DCLK1: variants seen among roughly 807,000 people sequenced by gnomAD.
The protein encoded by DCLK1 is serine/threonine-protein kinase DCLK1.
In DCLK1, 16 loss-of-function variants were observed where a neutral mutation model predicts 86.2. The observed-to-expected ratio is 0.19, with a 90% CI of 0.13 to 0.28. The LOEUF is 0.28. Ranked by LOEUF, DCLK1 falls within the 10% of genes least tolerant of loss-of-function variation. DCLK1 has a pLI of 1.00. For synonymous variants in DCLK1, 369 were observed against 370.5 expected, an observed-to-expected ratio of 1.00 and a Z score of 0.05; for missense variants, 590 against 940.2, an observed-to-expected ratio of 0.63 and a Z score of 4.87.
chr13:35,802,073 T>C (rs535014564), intron 15 of DCLK1, among the ~76,000 whole-genome samples: 2 of 152,270 alleles, frequency 1.3e-5, no homozygotes, highest in South Asian at 4.1e-4. Context: ...CTCACTACCC[T>C]GGAACTGTCT....
chr13:35,805,619 G>T, intron 15 of DCLK1, 80 bp downstream of exon 15: 1 of 1,383,516 alleles, frequency 7.2e-7, no homozygotes, highest in Non-Finnish European at 1.0e-6. Flanking sequence ...TCAAAAGGAG[G>T]CAATAACATT....
chr13:36,126,050 G>A lies in DCLK1; in HGVS notation c.88C>T (p.Leu30=). The change falls in exon 2 of 17, where the codon CTG becomes TTG. Residue 30 remains leucine, a synonymous_variant. Coordinates refer to ENST00000360631, the MANE Select transcript of DCLK1 (RefSeq NM_001330071.2). ...TGGGCGCTGTGCGTCGGGCTCGGCA[G>A]GCCGTTCACCCGCGACCCTCGGCTG... ...RYSRGSRVNG[L]PSPTHSAHCS... The A allele has an allele frequency of 6.2e-7, 1 of 1,613,498 alleles. No homozygotes were observed. Among genetic ancestry groups the A allele is most frequent in the Non-Finnish European group, 8.5e-7 (1 of 1,180,000 alleles).
chr13:35,815,568 T>C (rs575927932), intron 11 of DCLK1, among the ~76,000 whole-genome samples: 54 of 152,298 alleles, frequency 3.5e-4, no homozygotes, highest in African/African-American at 1.2e-3. Context: ...AAAAGTGGCA[T>C]GAAATTGACA....
intron 7 of DCLK1, 150 bp downstream of exon 7, chr13:35,838,942 C>A: frequency 1.6e-6 from 1 of 638,474 alleles, no homozygotes; most frequent in Non-Finnish European, 2.6e-6. Flanking sequence ...CCCTGGTGGG[C>A]ACCATATTCA....
Position 35,774,527 on chromosome 13 carries a change from G to A in DCLK1, c.*8C>T, listed in dbSNP as rs776582217. On this transcript the variant is annotated 3_prime_UTR_variant, in exon 17 of 17. Transcript: ENST00000360631. ...GGTTAAGCTAGGACTTTGAGTAAAA[G>A]GGTCTTATTAAAAGGGCGAGTTAGG... 1.3e-6 allele frequency: 2 copies of A among 1,551,744 alleles called. No homozygotes were observed. Among genetic ancestry groups the A allele is most frequent in the East Asian group, 2.4e-5 (1 of 40,902 alleles).
chr13:35,830,230 A>C (rs539324088), intron 8 of DCLK1, among the ~76,000 whole-genome samples: 1 of 152,152 alleles, frequency 6.6e-6, no homozygotes, highest in East Asian at 1.9e-4. Flanking sequence ...TACTAAAAAA[A>C]AAATACAAAA....
intron 5 of DCLK1, among the ~76,000 whole-genome samples, chr13:35,870,128 C>T (rs1872162628): frequency 6.6e-6 from 1 of 152,210 alleles, no homozygotes; most frequent in Non-Finnish European, 1.5e-5. Flanking sequence ...GCCAGCGATG[C>T]TCTGAAACGT....
chr13:35,942,177 T>G (rs918348736), intron 4 of DCLK1, among the ~76,000 whole-genome samples: 2 of 151,406 alleles, frequency 1.3e-5, no homozygotes, highest in Admixed American at 6.6e-5. Flanking sequence ...ATTTTTTTTT[T>G]GTTTTTTGAG....
At chr13:35,821,141 CATT>C (rs2087385233) in intron 11 of DCLK1, among the ~76,000 whole-genome samples, 1 of 152,146 alleles carries the variant, frequency 6.6e-6, no homozygotes, top group Non-Finnish European at 1.5e-5. Context: ...GTGGGCAGGT[CATT>C]TAACTTCTAG....
chr13:36,072,142 C>T lies in DCLK1; in HGVS notation c.723+39727G>A, dbSNP rs535699480. On this transcript the variant is annotated intron_variant, in intron 3 of 16. Coordinates refer to ENST00000360631, the MANE Select transcript of DCLK1 (RefSeq NM_001330071.2). The stretch of plus-strand genomic sequence containing the variant: ...TTGTTTTCCTAAACTAGCTCCCTCA[C>T]CTATTTCCACCAAGCTGCCTCTGTC... Among the ~76,000 whole-genome samples, 37 of 152,254 alleles carry T rather than the reference C, an allele frequency of 2.4e-4. 1 individual carries two copies. Among genetic ancestry groups the T allele is most frequent in the Admixed American group, 1.9e-3 (29 of 15,296 alleles).
At chr13:36,109,901 T>C (rs1471691755) in intron 3 of DCLK1, among the ~76,000 whole-genome samples, 1 of 152,216 alleles carries the variant, frequency 6.6e-6, no homozygotes, top group African/African-American at 2.4e-5. Flanking sequence ...ACATCATACC[T>C]ATTGTAGGGA....
chr13:35,868,281 A>G (rs926354742), intron 5 of DCLK1, among the ~76,000 whole-genome samples: 3 of 152,262 alleles, frequency 2.0e-5, no homozygotes, highest in African/African-American at 7.2e-5. Flanking sequence ...TCAGCCTCCC[A>G]AAGTGCTGGG....
chr13:35,904,162 A>G (rs1874546491), intron 4 of DCLK1, among the ~76,000 whole-genome samples: 1 of 152,184 alleles, frequency 6.6e-6, no homozygotes, highest in South Asian at 2.1e-4. Flanking sequence ...TCAAAGTATC[A>G]TACAACATTT....
intron 3 of DCLK1, among the ~76,000 whole-genome samples, chr13:35,999,068 G>C (rs544658069): frequency 6.6e-6 from 1 of 151,924 alleles, no homozygotes; most frequent in African/African-American, 2.4e-5. Flanking sequence ...CAGCCTGGCC[G>C]ACACGGTGAA....
Position 35,793,495 on chromosome 13 carries a change from TAAAGA to T in DCLK1, c.1945-21_1945-17del. On this transcript the variant is annotated splice_polypyrimidine_tract_variant and intron_variant, in intron 15 of 16. Transcript: ENST00000360631. The stretch of plus-strand genomic sequence containing the variant: ...GGCCATCATCCTGGAGAAAAAGAAA[TAAAGA>T]GAAGAGAAAAAGAAAGAAAATGAGA... The T allele has an allele frequency of 6.4e-7, 1 of 1,570,682 alleles. No individual in the cohort carries two copies. The highest frequency in any genetic ancestry group is 8.6e-7 in the Non-Finnish European group (1 of 1,156,526).
chr13:36,012,311 T>A (rs1231990805), intron 3 of DCLK1, among the ~76,000 whole-genome samples: 1 of 151,552 alleles, frequency 6.6e-6, no homozygotes, highest in Admixed American at 6.6e-5. Context: ...TGATGCAGTT[T>A]CTTCCTAGTC....
chr13:35,929,867 T>C (rs1389428912), intron 4 of DCLK1, among the ~76,000 whole-genome samples: 3 of 151,252 alleles, frequency 2.0e-5, no homozygotes, highest in Non-Finnish European at 2.9e-5. Context: ...TTTTTTCTTT[T>C]TTTTTTTTTT....
chr13:35,886,235 T>C (rs1186461865), intron 4 of DCLK1, among the ~76,000 whole-genome samples: 1 of 152,028 alleles, frequency 6.6e-6, no homozygotes, highest in Non-Finnish European at 1.5e-5. Context: ...ATGGTCTTGA[T>C]CTCCTGACCT....
chr13:35,846,986 G>A (rs1870224148), intron 6 of DCLK1: 1 of 984,950 alleles, frequency 1.0e-6, no homozygotes, highest in African/African-American at 1.7e-5. Flanking sequence ...TTCTATTTAT[G>A]TTCCAACATT....
Sources: allele counts gnomAD v4.1 joint callset (sites outside exome capture counted in the v4.1 genomes callset), GRCh38; gene constraint gnomAD v4.1.1; transcripts MANE v1.5; gene names NCBI Gene and HGNC (gene_info 2026-07-23, HGNC 2026-07-21).